The following CFAP54 variants were observed in gnomAD, a reference collection of about 807,000 sequenced individuals.
The protein encoded by CFAP54 is cilia and flagella associated protein 54, also known as cilia- and flagella-associated protein 54.
CFAP54 carries 290 observed loss-of-function variants against 370.4 expected under a neutral mutation model. That is an observed-to-expected ratio of 0.78 (90% CI 0.71 to 0.86). The LOEUF (loss-of-function observed/expected upper bound fraction) is 0.86. CFAP54 is among the 40% of genes least tolerant of loss of function. CFAP54 has a pLI of 0.00. For synonymous variants in CFAP54, 1,206 were observed against 1,236.5 expected (o/e 0.98, Z 0.52); for missense variants, 3,399 against 3,528.7 (o/e 0.96, Z 0.93).
At chr12:96,521,825 T>G in intron 6 of CFAP54, 32 bp from the exon 7 acceptor site, 2 of 1,407,040 alleles carry the variant, frequency 1.4e-6, no homozygotes, top group Non-Finnish European at 9.6e-7. Flanking sequence ...ATATTCTGAT[T>G]TATGAATTAA....
At chr12:96,577,249 G>A (rs901796978) in intron 20 of CFAP54, among the ~76,000 whole-genome samples, 2 of 152,138 alleles carry the variant, frequency 1.3e-5, no homozygotes, top group Admixed American at 1.3e-4. Context: ...ACAAGCAAAG[G>A]ACAATTCCAA....
intron 47 of CFAP54, among the ~76,000 whole-genome samples, chr12:96,705,884 CAA>C (rs1957541811): frequency 1.3e-5 from 2 of 152,242 alleles, no homozygotes; most frequent in Admixed American, 6.5e-5. Context: ...AGAGAAAAGA[CAA>C]GAGAAAGCTT....
intron 67 of CFAP54, among the ~76,000 whole-genome samples, chr12:96,865,671 A>T (rs1959982650): frequency 6.6e-6 from 1 of 152,086 alleles, no homozygotes; most frequent in Admixed American, 6.6e-5. Flanking sequence ...GTGTTTCATA[A>T]ATTAAAAACA....
intron 55 of CFAP54, among the ~76,000 whole-genome samples, chr12:96,746,603 T>G: frequency 6.6e-6 from 1 of 152,204 alleles, no homozygotes; most frequent in East Asian, 1.9e-4. Flanking sequence ...ACCTTTCTAT[T>G]TCCCTAGTCT....
intron 39 of CFAP54, among the ~76,000 whole-genome samples, chr12:96,668,354 T>G (rs1957104376): frequency 6.6e-6 from 1 of 152,140 alleles, no homozygotes; most frequent in African/African-American, 2.4e-5. Flanking sequence ...TACCCAAGAC[T>G]GGATAATTTA....
Position 96,665,212 on chromosome 12 carries a change from ATTAGACCTTTGT to A in CFAP54, c.5563+1282_5563+1293del, listed in dbSNP as rs1957065871. ...CTTAAGTTCCTTATAGATGCTGGATATTAGACCTTTGTTGGATGCATAGTTTGGAAAAATTGT... is the reference window on the plus strand; with the variant it reads ...CTTAAGTTCCTTATAGATGCTGGATATGGATGCATAGTTTGGAAAAATTGT... On this transcript the variant is annotated intron_variant, in intron 39 of 67. Coordinates refer to ENST00000524981, the MANE Select transcript of CFAP54 (RefSeq NM_001306084.2). Among the ~76,000 whole-genome samples the A allele has an allele frequency of 5.9e-5, 9 of 151,830 alleles. No individual in the cohort carries two copies. In the South Asian group the frequency reaches 1.9e-3, roughly 32 times the overall value.
Position 96,507,060 on chromosome 12 carries a change from G to A in CFAP54, c.700G>A (p.Ala234Thr), listed in dbSNP as rs138697359. 2.6e-6 allele frequency: 4 copies of A among 1,534,170 alleles called. No homozygotes were observed. Among genetic ancestry groups the A allele is most frequent in the Non-Finnish European group, 2.6e-6 (3 of 1,146,266 alleles). The change falls in exon 4 of 68, where the codon GCT (alanine) becomes ACT (threonine). Residue 234 changes from alanine (A) to threonine (T), a missense_variant. Coordinates refer to ENST00000524981, the MANE Select transcript of CFAP54 (RefSeq NM_001306084.2). ...LSSLRLIMQVALPQEHLCWII... is the reference protein window; with the variant it reads ...LSSLRLIMQVTLPQEHLCWII... ...CTCCTTAAGGCTCATCATGCAAGTG[G>A]CTCTGCCACAAGAGCATCTTTGCTG...
At chr12:96,753,422 C>T (rs1958213196) in intron 55 of CFAP54, among the ~76,000 whole-genome samples, 1 of 152,128 alleles carries the variant, frequency 6.6e-6, no homozygotes, top group Non-Finnish European at 1.5e-5. Context: ...TTAACAACTT[C>T]ATCTTAGCAG....
At chr12:96,580,547 A>G in intron 20 of CFAP54, 50 bp from the exon 21 acceptor site, 1 of 974,538 alleles carries the variant, frequency 1.0e-6, no homozygotes, top group East Asian at 3.0e-5. Context: ...TTTTTGTTAC[A>G]TTGATATAAA....
chr12:96,522,675 A>C (rs1955333876), intron 8 of CFAP54, among the ~76,000 whole-genome samples: 1 of 152,182 alleles, frequency 6.6e-6, no homozygotes, highest in Non-Finnish European at 1.5e-5. Flanking sequence ...TTAAAACAAC[A>C]ATTTATTGCC....
intron 26 of CFAP54, among the ~76,000 whole-genome samples, chr12:96,612,413 A>G (rs958099704): frequency 2.6e-5 from 4 of 152,204 alleles, no homozygotes; most frequent in Non-Finnish European, 5.9e-5. Flanking sequence ...AGGAACAACC[A>G]GTACCAGCCA....
At chr12:96,843,913 G>A (rs1294454392) in intron 66 of CFAP54, among the ~76,000 whole-genome samples, 1 of 152,142 alleles carries the variant, frequency 6.6e-6, no homozygotes, top group African/African-American at 2.4e-5. Flanking sequence ...TAACACACAA[G>A]GATGTGATTA....
At chr12:96,515,279 G>A (rs549939696) in intron 5 of CFAP54, among the ~76,000 whole-genome samples, 23 of 152,150 alleles carry the variant, frequency 1.5e-4, no homozygotes, top group African/African-American at 5.3e-4. Flanking sequence ...CAAAATGCTG[G>A]GATTACAGGC....
chr12:96,521,917 T>C lies in CFAP54; in HGVS notation c.1003T>C (p.Ser335Pro). The C allele has an allele frequency of 2.0e-6, 3 of 1,534,708 alleles. No individual in the cohort carries two copies. The highest frequency in any genetic ancestry group is 2.6e-6 in the Non-Finnish European group (3 of 1,145,740). ...DELRQLELMSSSKSQEESRRY... is the reference protein window; with the variant it reads ...DELRQLELMSPSKSQEESRRY... ...GTTAAGGCAACTGGAATTAATGAGT[T>C]CCTCAAAATCCCAGGAAGAATCGCG... Residue 335 changes from serine (S) to proline (P), a missense_variant, in exon 7 of 68, where the codon TCC becomes CCC. Ser to Pro is a moderately conservative substitution (Grantham distance 74, BLOSUM62 -1). Around this residue, in one of 3 missense-constraint regions of CFAP54, gnomAD observed 559 missense variants for 576.7 expected, o/e 0.97. Coordinates refer to ENST00000524981, the MANE Select transcript of CFAP54 (RefSeq NM_001306084.2).
intron 64 of CFAP54, among the ~76,000 whole-genome samples, chr12:96,817,416 A>G (rs1958986921): frequency 6.7e-6 from 1 of 149,204 alleles, no homozygotes; most frequent in African/African-American, 2.5e-5. Flanking sequence ...TGCTGCAAAT[A>G]AATACCTTTC....
chr12:96,738,845 C>T (rs965487560), intron 50 of CFAP54, among the ~76,000 whole-genome samples: 3 of 152,138 alleles, frequency 2.0e-5, no homozygotes, highest in South Asian at 4.1e-4. Flanking sequence ...CTTCTGACTT[C>T]GTGATCTGCC....
At chr12:96,623,733 A>G (rs1306135852) in intron 27 of CFAP54, 34 bp from the exon 28 acceptor site, 2 of 1,106,026 alleles carry the variant, frequency 1.8e-6, no homozygotes, top group Admixed American at 2.2e-5. Context: ...GCAACACGTT[A>G]AAGTACATTT....
intron 32 of CFAP54, among the ~76,000 whole-genome samples, chr12:96,631,335 C>T (rs1332590425): frequency 6.6e-6 from 1 of 151,802 alleles, no homozygotes; most frequent in East Asian, 1.9e-4. Context: ...TGTTGGTATG[C>T]ATTTCTGTTT....
intron 39 of CFAP54, among the ~76,000 whole-genome samples, chr12:96,664,725 CTATATATATATATCTATA>C (rs1957049263): frequency 1.4e-5 from 1 of 72,594 alleles, no homozygotes; most frequent in African/African-American, 6.1e-5. Context: ...CTATATATAT[CTATATATATATATCTATA>C]TATATATATA....
Sources: allele counts gnomAD v4.1 joint callset (sites outside exome capture counted in the v4.1 genomes callset), GRCh38; gene constraint gnomAD v4.1.1; regional missense constraint gnomAD v4.1.1; transcripts MANE v1.5; gene names NCBI Gene and HGNC (gene_info 2026-07-23, HGNC 2026-07-21).